The following GRIN3A variants were observed in gnomAD, a reference collection of about 807,000 sequenced individuals.
The protein encoded by GRIN3A is glutamate receptor ionotropic, NMDA 3A.
GRIN3A carries 47 observed loss-of-function variants against 92.4 expected under a neutral mutation model. The observed-to-expected ratio is 0.51, with a 90% CI of 0.40 to 0.65. The LOEUF is 0.65. GRIN3A is among the 30% of genes least tolerant of loss of function. The pLI, the probability that GRIN3A is intolerant of heterozygous loss-of-function variation, is 0.00. For synonymous variants in GRIN3A, 527 were observed against 540.6 expected (o/e 0.97, Z 0.35); for missense variants, 1,324 against 1,393.1 (o/e 0.95, Z 0.79).
At chr9:101,652,864 G>T (rs1054471814) in intron 3 of GRIN3A, among the ~76,000 whole-genome samples, 1 of 152,046 alleles carries the variant, frequency 6.6e-6, no homozygotes, top group South Asian at 2.1e-4. Context: ...TGGCTTTTAT[G>T]AGAATGAACA....
intron 2 of GRIN3A, among the ~76,000 whole-genome samples, chr9:101,674,739 A>G (rs1829372298): frequency 1.3e-5 from 2 of 152,154 alleles, no homozygotes; most frequent in South Asian, 2.1e-4. Context: ...CAGCCTGGAT[A>G]TGAACTCTAA....
chr9:101,616,086 C>T (rs1455527819), intron 5 of GRIN3A, among the ~76,000 whole-genome samples: 1 of 152,164 alleles, frequency 6.6e-6, no homozygotes, highest in Non-Finnish European at 1.5e-5. Flanking sequence ...ACTGCTAAGT[C>T]CTGACCACTT....
At position 101,709,280 on chromosome 9, in the gene GRIN3A, T is replaced by C. The variant is rs116841525; in HGVS notation, c.700-22080A>G. 3.2e-3 allele frequency among the ~76,000 whole-genome samples: 485 copies of C among 152,350 alleles called. 4 individuals carry two copies. Among genetic ancestry groups the C allele is most frequent in the Middle Eastern group, 0.017 (5 of 294 alleles). The stretch of plus-strand genomic sequence containing the variant: ...TAAGAAATAAGATTCATTATTTATC[T>C]ATGTCACCAGCTTCAGATGATAATA... On this transcript the variant is annotated intron_variant, in intron 1 of 8. Coordinates refer to ENST00000361820, the MANE Select transcript of GRIN3A (RefSeq NM_133445.3).
At chr9:101,621,497 A>C (rs1828555511) in intron 5 of GRIN3A, among the ~76,000 whole-genome samples, 1 of 152,172 alleles carries the variant, frequency 6.6e-6, no homozygotes, top group Non-Finnish European at 1.5e-5. Flanking sequence ...ATAACCTCAC[A>C]ATGATAACAA....
chr9:101,723,514 G>C (rs1041211438), intron 1 of GRIN3A, among the ~76,000 whole-genome samples: 13 of 152,178 alleles, frequency 8.5e-5, no homozygotes, highest in Non-Finnish European at 2.9e-5. Flanking sequence ...AGCTTCCACA[G>C]TGTGGAAAGG....
In GRIN3A at chr9:101,578,852, AG is replaced by A. The variant is rs1229605696; in HGVS notation, c.2931+343del. ...ACCAGGGACTTTAAACTCACGTAAT[AG>A]GTTTCAATTTTGGCAAGAAAAGAAC... On this transcript the variant is annotated intron_variant, in intron 7 of 8. Transcript: ENST00000361820. 7.2e-5 allele frequency among the ~76,000 whole-genome samples: 11 copies of A among 152,310 alleles called. No homozygotes were observed. In the East Asian group the frequency reaches 2.1e-3, roughly 29 times the overall value.
intron 3 of GRIN3A, among the ~76,000 whole-genome samples, chr9:101,658,592 T>G (rs1829122470): frequency 7.6e-6 from 1 of 131,192 alleles, no homozygotes; most frequent in South Asian, 2.4e-4. Flanking sequence ...TAAAATTTTC[T>G]GTTTTTTGGC....
chr9:101,738,136 T>G lies in GRIN3A; in HGVS notation c.-157A>C. On this transcript the variant is annotated 5_prime_UTR_variant, in exon 1 of 9. Transcript: ENST00000361820. ...TGGAGCGGTCTCTAGGCCATGCAAG[T>G]TGGAGCGTAGCGCGCCTCCGGCAGT... The G allele has an allele frequency of 1.4e-6, 1 of 722,012 alleles. No homozygotes were observed. The highest frequency in any genetic ancestry group is 1.5e-5 in the South Asian group (1 of 65,354). The allele number at this position is 722,012 out of a possible 1,614,324, so 44.7% of individuals were successfully genotyped here.
intron 3 of GRIN3A, among the ~76,000 whole-genome samples, chr9:101,645,085 C>G (rs976493756): frequency 6.6e-6 from 1 of 151,814 alleles, no homozygotes; most frequent in African/African-American, 2.4e-5. Context: ...TACTGTGCTA[C>G]CAAACACTGT....
At chr9:101,612,154 T>G (rs1339506309) in intron 6 of GRIN3A, among the ~76,000 whole-genome samples, 1 of 152,328 alleles carries the variant, frequency 6.6e-6, no homozygotes, top group Non-Finnish European at 1.5e-5. Flanking sequence ...AGCAGAGAAC[T>G]AGTTAGGAGA....
intron 2 of GRIN3A, among the ~76,000 whole-genome samples, chr9:101,672,910 A>T (rs1588276700): frequency 6.6e-6 from 1 of 152,288 alleles, no homozygotes; most frequent in African/African-American, 2.4e-5. Context: ...ATTAAAATAT[A>T]CAGATTAATC....
chr9:101,677,413 T>C (rs943651307), intron 2 of GRIN3A, among the ~76,000 whole-genome samples: 6 of 152,070 alleles, frequency 3.9e-5, no homozygotes, highest in Admixed American at 2.0e-4. Flanking sequence ...CTTTTCTTTT[T>C]AGTGGTTTTT....
At chr9:101,657,205 T>C (rs1051050223) in intron 3 of GRIN3A, among the ~76,000 whole-genome samples, 6 of 151,954 alleles carry the variant, frequency 3.9e-5, no homozygotes, top group African/African-American at 1.4e-4. Flanking sequence ...GATATCTTTA[T>C]ATTCTAGTGG....
intron 6 of GRIN3A, among the ~76,000 whole-genome samples, chr9:101,610,619 A>ATCTATCTATG (rs35988009): frequency 0.056 from 8,475 of 150,586 alleles, 314 homozygotes; most frequent in Non-Finnish European, 0.08. Flanking sequence ...CTATCTATCT[A>ATCTATCTATG]TCTATCATCT....
At chr9:101,729,378 G>A (rs1588300746) in intron 1 of GRIN3A, among the ~76,000 whole-genome samples, 1 of 152,110 alleles carries the variant, frequency 6.6e-6, no homozygotes, top group South Asian at 2.1e-4. Context: ...TCTTTCTGGA[G>A]CCTCTGAGGG....
In GRIN3A at chr9:101,670,396, T is replaced by C. The variant is rs752365688; in HGVS notation, c.2016A>G (p.Pro672=). The C allele has an allele frequency of 1.2e-6, 2 of 1,613,790 alleles. No homozygotes were observed. Among genetic ancestry groups the C allele is most frequent in the African/African-American group, 1.3e-5 (1 of 74,954 alleles). The change falls in exon 3 of 9, where the codon CCA becomes CCG. Residue 672 remains proline (P), a synonymous_variant. Coordinates refer to ENST00000361820, the MANE Select transcript of GRIN3A (RefSeq NM_133445.3). ...TAAPIGAFMW[P]LHWTMWLGIF... ...TCCCCAGCCACATTGTCCAGTGGAG[T>C]GGCCACATGAAGGCTCCAATGGGAG...
Position 101,613,411 on chromosome 9 carries a change from C to T in GRIN3A, c.2731G>A (p.Val911Ile), listed in dbSNP as rs200636529. 6.2e-7 allele frequency: 1 copy of T among 1,614,144 alleles called. No individual in the cohort carries two copies. Among genetic ancestry groups the T allele is most frequent in the Non-Finnish European group, 8.5e-7 (1 of 1,180,018 alleles). The change falls in exon 6 of 9, where the codon GTT becomes ATT. Residue 911 changes from valine to isoleucine, a missense_variant. Transcript: ENST00000361820. ...DMLHDKWYRV[V>I]PCGKRSFAVT... ...GCAAAACTTCTCTTGCCACAGGGAA[C>T]CACCCTGTACCACTTGTCATGGAGC...
At chr9:101,595,139 G>T in intron 6 of GRIN3A, 1 of 584,408 alleles carries the variant, frequency 1.7e-6, no homozygotes, top group South Asian at 2.1e-5. Context: ...AAAGGGGGCG[G>T]AAGGGGAGGT....
intron 6 of GRIN3A, among the ~76,000 whole-genome samples, chr9:101,610,013 A>G (rs1194176770): frequency 6.6e-6 from 1 of 152,214 alleles, no homozygotes; most frequent in African/African-American, 2.4e-5. Flanking sequence ...CTTGCTGTCA[A>G]TTCTGAATCA....
Sources: allele counts gnomAD v4.1 joint callset (sites outside exome capture counted in the v4.1 genomes callset), GRCh38; gene constraint gnomAD v4.1.1; transcripts MANE v1.5; gene names NCBI Gene and HGNC (gene_info 2026-07-23, HGNC 2026-07-21).